SLC15A2: variants seen among roughly 807,000 people sequenced by gnomAD.
SLC15A2 encodes the protein kidney H(+)/peptide cotransporter.
In SLC15A2, 77 loss-of-function variants were observed where a neutral mutation model predicts 95.5. That is an observed-to-expected ratio of 0.81 (90% CI 0.67 to 0.97). The LOEUF is 0.97. Ranked by LOEUF, SLC15A2 falls within the 50% of genes least tolerant of loss-of-function variation. The pLI is 0.00. For synonymous variants in SLC15A2, 306 were observed against 306.9 expected, an observed-to-expected ratio of 1.00 and a Z score of 0.03; for missense variants, 893 against 874.4, an observed-to-expected ratio of 1.02 and a Z score of -0.27.
At chr3:121,937,239 T>A (rs1286262487) in intron 19 of SLC15A2, among the ~76,000 whole-genome samples, 2 of 77,090 alleles carry the variant, frequency 2.6e-5, no homozygotes, top group Non-Finnish European at 5.1e-5. Context: ...GACAATTATG[T>A]GTCTTGGAGT....
At chr3:121,898,177 T>A (rs1321680440) in intron 3 of SLC15A2, among the ~76,000 whole-genome samples, 3 of 147,270 alleles carry the variant, frequency 2.0e-5, no homozygotes, top group Non-Finnish European at 4.5e-5. Context: ...AAAAAAAAAA[T>A]TGAAATTTTG....
At chr3:121,931,187 T>A (rs1710226862) in intron 18 of SLC15A2, among the ~76,000 whole-genome samples, 1 of 152,202 alleles carries the variant, frequency 6.6e-6, no homozygotes, top group Non-Finnish European at 1.5e-5. Flanking sequence ...CCCATCTCTG[T>A]ATAGTTAACA....
intron 3 of SLC15A2, among the ~76,000 whole-genome samples, chr3:121,901,673 C>A (rs750146393): frequency 1.3e-5 from 2 of 151,696 alleles, no homozygotes; most frequent in East Asian, 3.9e-4. Flanking sequence ...TTAAAACTAC[C>A]CTTCCTTAAG....
chr3:121,913,875 T>C (rs2107585663), intron 5 of SLC15A2, among the ~76,000 whole-genome samples: 1 of 152,276 alleles, frequency 6.6e-6, no homozygotes, highest in African/African-American at 2.4e-5. Flanking sequence ...CCATTCTCTC[T>C]TCTATAACTG....
At position 121,896,541 on chromosome 3, in the gene SLC15A2, A is replaced by C. The variant is rs747800753; in HGVS notation, c.193+48A>C. 2.2e-4 allele frequency: 316 copies of C among 1,414,220 alleles called. 1 individual carries two copies. The highest frequency in any genetic ancestry group is 3.1e-4 in the Non-Finnish European group (309 of 998,716). 87.6% of individuals were successfully genotyped at this position (1,414,220 alleles called of 1,614,324 possible). ...TACCTACTCTCCTCCACCCACCCTC[A>C]CCCCATGTTTGTGACAGCCTGGTCT... is the stretch of plus-strand genomic sequence containing the variant. On this transcript the variant is annotated intron_variant, in intron 2 of 21. Coordinates refer to ENST00000489711, the MANE Select transcript of SLC15A2 (RefSeq NM_021082.4).
At chr3:121,939,731 A>G (rs1042535752) in intron 20 of SLC15A2, among the ~76,000 whole-genome samples, 1 of 152,154 alleles carries the variant, frequency 6.6e-6, no homozygotes, top group Non-Finnish European at 1.5e-5. Flanking sequence ...GAAGAGCTGC[A>G]GAGTCAGACT....
Position 121,929,132 on chromosome 3 carries a change from A to C in SLC15A2, c.1492A>C (p.Ile498Leu), listed in dbSNP as rs1710180202. The change falls in exon 16 of 22, where the codon ATC becomes CTC. Residue 498 changes from isoleucine to leucine, a missense_variant. Physicochemically the swap from Ile to Leu is conservative, Grantham distance 5. Transcript: ENST00000489711. ...TGTCATTCGTGAAGATGGGAACAGT[A>C]TCTCCAGCATGATGGTAATTTGAGG... ...SLVIREDGNS[I>L]SSMMVKDTES... is the part of the protein sequence containing the mutation. 3.7e-6 allele frequency: 6 copies of C among 1,611,572 alleles called. No individual in the cohort carries two copies. The Middle Eastern group carries it at 6.6e-4, about 177-fold the overall frequency.
intron 17 of SLC15A2, among the ~76,000 whole-genome samples, chr3:121,930,184 T>A (rs1201855233): frequency 6.6e-6 from 1 of 152,176 alleles, no homozygotes; most frequent in Non-Finnish European, 1.5e-5. Context: ...ATGTCCTTCT[T>A]ATTCCTGGGG....
chr3:121,923,379 T>A, intron 11 of SLC15A2, 113 bp downstream of exon 11: 1 of 1,069,188 alleles, frequency 9.4e-7, no homozygotes, highest in Non-Finnish European at 1.4e-6. Context: ...TTCAGAGAAG[T>A]GCTTTTAGCC....
chr3:121,910,155 T>C (rs2107581539), intron 3 of SLC15A2, among the ~76,000 whole-genome samples: 1 of 151,394 alleles, frequency 6.6e-6, no homozygotes, highest in African/African-American at 2.4e-5. Flanking sequence ...AGTTGTTCCC[T>C]CCCCTGATGT....
intron 1 of SLC15A2, 42 bp from the exon 2 acceptor site, chr3:121,896,364 A>G: frequency 6.7e-7 from 1 of 1,488,562 alleles, no homozygotes; most frequent in Non-Finnish European, 9.4e-7. Context: ...TGAAACAGGG[A>G]AAAACAGCTC....
intron 3 of SLC15A2, among the ~76,000 whole-genome samples, chr3:121,907,386 T>C (rs1474467561): frequency 1.3e-5 from 2 of 152,250 alleles, no homozygotes; most frequent in Non-Finnish European, 2.9e-5. Context: ...TCCAGCTTTG[T>C]TCCATTGCTG....
chr3:121,911,980 C>T (rs780692519), intron 4 of SLC15A2, among the ~76,000 whole-genome samples: 1 of 152,148 alleles, frequency 6.6e-6, no homozygotes, highest in Non-Finnish European at 1.5e-5. Flanking sequence ...AAAAAAAACT[C>T]TATAATGTTT....
At chr3:121,914,177 A>G (rs1709831249) in intron 5 of SLC15A2, among the ~76,000 whole-genome samples, 1 of 152,230 alleles carries the variant, frequency 6.6e-6, no homozygotes, top group African/African-American at 2.4e-5. Flanking sequence ...GATCCTGTGT[A>G]TGATGAACTA....
intron 5 of SLC15A2, chr3:121,914,883 C>T: frequency 3.6e-6 from 1 of 280,296 alleles, no homozygotes; most frequent in Non-Finnish European, 5.0e-6. Context: ...AAACCACAAA[C>T]ACACACATGA....
chr3:121,938,609 C>G (rs1034837440), intron 19 of SLC15A2, among the ~76,000 whole-genome samples: 1 of 152,254 alleles, frequency 6.6e-6, no homozygotes, highest in South Asian at 2.1e-4. Flanking sequence ...GGCAATGCCT[C>G]GCCCTGCTTT....
chr3:121,927,982 A>G, intron 14 of SLC15A2, 143 bp downstream of exon 14: 1 of 653,160 alleles, frequency 1.5e-6, no homozygotes, highest in Non-Finnish European at 2.7e-6. Context: ...TGTGATAAAT[A>G]AGTAGATACA....
In SLC15A2 at chr3:121,922,278, G is replaced by A. The variant is rs1052526415; in HGVS notation, c.756G>A (p.Val252=). The change falls in exon 8 of 22, where the codon GTG becomes GTA. Residue 252 remains valine, a synonymous_variant. Coordinates refer to ENST00000489711, the MANE Select transcript of SLC15A2 (RefSeq NM_021082.4). Reference sequence around the variant, plus strand: ...AACCACCCCCTGAAGGAAACATAGTGGCTCAAGTTTTCAAATGTATCTGGG... The same window carrying A: ...AACCACCCCCTGAAGGAAACATAGTAGCTCAAGTTTTCAAATGTATCTGGG... The part of the protein sequence containing the change: ...YNKPPPEGNI[V]AQVFKCIWFA... 1 of 1,613,830 alleles carries A rather than the reference G, an allele frequency of 6.2e-7. No individual in the cohort carries two copies. The highest frequency in any genetic ancestry group is 8.5e-7 in the Non-Finnish European group (1 of 1,179,804).
chr3:121,922,513 A>C (rs1216275665), intron 8 of SLC15A2, among the ~76,000 whole-genome samples: 1 of 152,218 alleles, frequency 6.6e-6, no homozygotes, highest in Non-Finnish European at 1.5e-5. Context: ...TAAGTTGGCA[A>C]AAATCTTCTG....
Sources: gnomAD v4.1 joint callset for allele counts (sites outside exome capture counted in the v4.1 genomes callset) on GRCh38, gnomAD v4.1.1 for gene constraint, MANE v1.5 for transcripts, NCBI Gene and HGNC (gene_info 2026-07-23, HGNC 2026-07-21) for gene names.